SLC44A5: variants seen among roughly 807,000 people sequenced by gnomAD.
The protein encoded by SLC44A5 is solute carrier family 44 member 5.
In SLC44A5, 57 loss-of-function variants were observed where a neutral mutation model predicts 101.8. That is an observed-to-expected ratio of 0.56 (90% CI 0.45 to 0.70). The LOEUF (loss-of-function observed/expected upper bound fraction) is 0.70, where lower values mean the gene tolerates loss of function less well. Among genes scored for constraint, SLC44A5 ranks in the 30% least tolerant of loss-of-function variants. The pLI, the probability that SLC44A5 is intolerant of heterozygous loss-of-function variation, is 0.00. For missense variants in SLC44A5, 737 were observed against 853.1 expected, an observed-to-expected ratio of 0.86 and a Z score of 1.70; for synonymous variants, 281 against 290.9, an observed-to-expected ratio of 0.97 and a Z score of 0.35.
chr1:75,672,168 CAT>C, the SLC44A5 span, among the ~76,000 whole-genome samples: 1 of 152,222 alleles, frequency 6.6e-6, no homozygotes, highest in Admixed American at 6.5e-5. Flanking sequence ...CTGCTTTTAA[CAT>C]GTCAGAAAAG....
intron 3 of SLC44A5, among the ~76,000 whole-genome samples, chr1:75,360,707 A>G (rs1345880928): frequency 1.3e-5 from 2 of 152,168 alleles, no homozygotes; most frequent in African/African-American, 2.4e-5. Context: ...TATTTTGATT[A>G]CAACTACTTT....
chr1:75,327,754 T>A (rs1468570293), intron 4 of SLC44A5, among the ~76,000 whole-genome samples: 1 of 152,206 alleles, frequency 6.6e-6, no homozygotes, highest in Non-Finnish European at 1.5e-5. Flanking sequence ...ATTTCCCCAT[T>A]AATTCTTCCT....
chr1:75,553,301 C>G (rs184282914), intron 1 of SLC44A5, among the ~76,000 whole-genome samples: 2 of 152,148 alleles, frequency 1.3e-5, no homozygotes, highest in African/African-American at 4.8e-5. Context: ...TTTTCTAACT[C>G]TCATGAAGTT....
At chr1:75,408,954 G>C (rs966020435) in intron 2 of SLC44A5, among the ~76,000 whole-genome samples, 2 of 152,092 alleles carry the variant, frequency 1.3e-5, no homozygotes, top group African/African-American at 4.8e-5. Flanking sequence ...GAAAGATGGT[G>C]CTATATGAAA....
chr1:75,384,181 G>C (rs1197571493), intron 3 of SLC44A5, among the ~76,000 whole-genome samples: 2 of 152,138 alleles, frequency 1.3e-5, no homozygotes, highest in African/African-American at 4.8e-5. Context: ...ACATCATAAT[G>C]ACAGGATCTA....
At chr1:75,666,618 T>C in the SLC44A5 span, among the ~76,000 whole-genome samples, 813 of 152,140 alleles carry the variant, frequency 5.3e-3, 8 homozygotes, top group African/African-American at 0.019. Context: ...ATACCAAAAC[T>C]GGGCAGAGAC....
chr1:75,520,428 T>G (rs1205936892), intron 2 of SLC44A5, among the ~76,000 whole-genome samples: 1 of 152,216 alleles, frequency 6.6e-6, no homozygotes, highest in East Asian at 1.9e-4. Flanking sequence ...GAAATTGTTC[T>G]TTGACAATTA....
intron 3 of SLC44A5, among the ~76,000 whole-genome samples, chr1:75,350,211 GAGACC>G (rs1191218077): frequency 1.3e-5 from 2 of 151,892 alleles, no homozygotes; most frequent in African/African-American, 4.8e-5. Context: ...AAGAGGAAAG[GAGACC>G]AGTGGTCTCC....
intron 1 of SLC44A5, among the ~76,000 whole-genome samples, chr1:75,597,697 A>G (rs1674725597): frequency 6.6e-6 from 1 of 152,162 alleles, no homozygotes; most frequent in Non-Finnish European, 1.5e-5. Flanking sequence ...AGCAATGGAG[A>G]AAGTATTCCC....
intron 22 of SLC44A5, 131 bp from the exon 23 acceptor site, chr1:75,211,683 G>A (rs1570362557): frequency 1.7e-6 from 1 of 584,974 alleles, no homozygotes; most frequent in Admixed American, 3.2e-5. Flanking sequence ...TCAGTATAGA[G>A]ACCAAAAAGT....
At chr1:75,533,096 A>AT (rs1190922986) in intron 2 of SLC44A5, among the ~76,000 whole-genome samples, 1 of 152,098 alleles carries the variant, frequency 6.6e-6, no homozygotes, top group African/African-American at 2.4e-5. Flanking sequence ...AATTCAGCCC[A>AT]TTGTAGACCC....
At chr1:75,464,711 C>G (rs967939022) in intron 2 of SLC44A5, among the ~76,000 whole-genome samples, 5 of 151,952 alleles carry the variant, frequency 3.3e-5, no homozygotes, top group Non-Finnish European at 5.9e-5. Flanking sequence ...TATTGGAAAC[C>G]AAAAGACAGC....
intron 6 of SLC44A5, among the ~76,000 whole-genome samples, chr1:75,258,271 A>G (rs1300820193): frequency 6.6e-6 from 1 of 152,142 alleles, no homozygotes. Flanking sequence ...CACGGAGACC[A>G]GAAAGCTAAG....
At chr1:75,610,450 G>A (rs1202143286) in intron 1 of SLC44A5, among the ~76,000 whole-genome samples, 2 of 151,908 alleles carry the variant, frequency 1.3e-5, no homozygotes, top group Non-Finnish European at 2.9e-5. Flanking sequence ...ATGAACCTCT[G>A]CTTCAAAAAA....
At chr1:75,680,827 GTTT>G in the SLC44A5 span, among the ~76,000 whole-genome samples, 16 of 150,892 alleles carry the variant, frequency 1.1e-4, no homozygotes, top group Admixed American at 2.6e-4. Flanking sequence ...CCAGGAGCTG[GTTT>G]TTTGAAAGGA....
At chr1:75,715,610 T>C in the SLC44A5 span, among the ~76,000 whole-genome samples, 1 of 152,224 alleles carries the variant, frequency 6.6e-6, no homozygotes, top group East Asian at 1.9e-4. Flanking sequence ...AAATTAAAAC[T>C]GGATGCCTTC....
rs527659469 is a variant in SLC44A5 at position 75,386,901 on chromosome 1, C to T, written c.52+9682G>A. Among the ~76,000 whole-genome samples the T allele has an allele frequency of 4.8e-3, 735 of 152,024 alleles. 4 individuals are homozygous for T. Among genetic ancestry groups the T allele is most frequent in the African/African-American group, 6.5e-3 (269 of 41,470 alleles). The stretch of plus-strand genomic sequence containing the variant: ...AACAGAACAGAACCCTCAGAAATAA[C>T]GCCGCATATCTACAACTATCTGATC... On this transcript the variant is annotated intron_variant, in intron 3 of 23. Transcript: ENST00000370859.
chr1:75,714,057 C>T, the SLC44A5 span, among the ~76,000 whole-genome samples: 1 of 151,888 alleles, frequency 6.6e-6, no homozygotes, highest in Admixed American at 6.6e-5. Flanking sequence ...CTTGGCCTCC[C>T]AAAGTGCTGA....
Position 75,230,313 on chromosome 1 carries a change from T to C in SLC44A5, c.854-2456A>G, listed in dbSNP as rs571273494. On this transcript the variant is annotated intron_variant, in intron 12 of 23. Transcript: ENST00000370859. ...CCCAGGCTGGAGTGCAGTGGCACAA[T>C]CTCAGCTCACTGCAACCTCCGCCTC... Among the ~76,000 whole-genome samples, 13 of 152,012 alleles carry C rather than the reference T, an allele frequency of 8.6e-5. No individual in the cohort carries two copies. The South Asian group carries it at 2.3e-3, about 27-fold the overall frequency.
Sources: allele counts gnomAD v4.1 joint callset (sites outside exome capture counted in the v4.1 genomes callset), GRCh38; gene constraint gnomAD v4.1.1; transcripts MANE v1.5; gene names NCBI Gene and HGNC (gene_info 2026-07-23, HGNC 2026-07-21).